The following TTC39B variants were observed in gnomAD, a reference collection of about 807,000 sequenced individuals.
TTC39B encodes the protein tetratricopeptide repeat protein 39B.
In TTC39B, 92 loss-of-function variants were observed where a neutral mutation model predicts 96.6. That is an observed-to-expected ratio of 0.95 (90% confidence interval 0.80 to 1.13). TTC39B has a LOEUF of 1.13. TTC39B is among the 50% of genes most tolerant of loss of function. The pLI is 0.00. For missense variants in TTC39B, 955 were observed against 809.3 expected (o/e 1.18, Z -2.18); for synonymous variants, 367 against 299.4 (o/e 1.23, Z -2.33).
At chr9:15,232,886 T>C (rs10961925) in intron 2 of TTC39B, among the ~76,000 whole-genome samples, 29,040 of 152,152 alleles carry the variant, frequency 0.19, 3,607 homozygotes, top group East Asian at 0.65. Context: ...CTCAACTGGC[T>C]GCTGCAGGGC....
chr9:15,264,064 G>T (rs528976974), intron 2 of TTC39B, among the ~76,000 whole-genome samples: 2 of 152,304 alleles, frequency 1.3e-5, no homozygotes, highest in East Asian at 1.9e-4. Context: ...TGGAGGCAAT[G>T]AAGGGAGAAT....
intron 2 of TTC39B, among the ~76,000 whole-genome samples, chr9:15,247,356 C>G (rs916742719): frequency 2.0e-5 from 3 of 152,164 alleles, no homozygotes; most frequent in African/African-American, 7.2e-5. Flanking sequence ...TTCTAACAGT[C>G]ATTCAGAAAG....
At chr9:15,188,165 G>A in intron 13 of TTC39B, 33 bp from the exon 14 acceptor site, 15 of 1,541,392 alleles carry the variant, frequency 9.7e-6, no homozygotes, top group Non-Finnish European at 1.3e-5. Context: ...TGATCGTCCA[G>A]ATATTAGACA....
chr9:15,237,273 C>A (rs1423527753), intron 2 of TTC39B, among the ~76,000 whole-genome samples: 3 of 152,144 alleles, frequency 2.0e-5, no homozygotes, highest in Non-Finnish European at 4.4e-5. Flanking sequence ...CAAGATCATG[C>A]CACTGTATTC....
intron 7 of TTC39B, among the ~76,000 whole-genome samples, chr9:15,201,765 G>A (rs192536369): frequency 9.7e-4 from 147 of 152,244 alleles, no homozygotes; most frequent in African/African-American, 3.3e-3. Flanking sequence ...TGCGGGGGGC[G>A]GGTAGGGAAC....
At chr9:15,233,965 C>G (rs1034718510) in intron 2 of TTC39B, among the ~76,000 whole-genome samples, 4 of 150,278 alleles carry the variant, frequency 2.7e-5, no homozygotes, top group South Asian at 2.1e-4. Flanking sequence ...GTCTCTGCCC[C>G]GCCGCCCATC....
intron 3 of TTC39B, among the ~76,000 whole-genome samples, chr9:15,221,099 A>T (rs978922905): frequency 6.6e-6 from 1 of 152,206 alleles, no homozygotes; most frequent in Non-Finnish European, 1.5e-5. Context: ...CTTGGGAGTC[A>T]CTAAGCATCT....
chr9:15,267,928 C>T (rs1823196327), exon 2 of TTC39B: 1 of 1,609,954 alleles, frequency 6.2e-7, no homozygotes, highest in Non-Finnish European at 8.5e-7. Flanking sequence ...AGATGGTTTC[C>T]AAGGCATCTT....
intron 2 of TTC39B, among the ~76,000 whole-genome samples, chr9:15,261,113 T>C (rs1303244628): frequency 2.0e-5 from 3 of 152,198 alleles, no homozygotes; most frequent in Non-Finnish European, 4.4e-5. Flanking sequence ...AATTAATCAG[T>C]GCCCAACCAG....
At chr9:15,281,763 G>A (rs1318782533) in intron 1 of TTC39B, among the ~76,000 whole-genome samples, 5 of 149,166 alleles carry the variant, frequency 3.4e-5, no homozygotes, top group South Asian at 2.1e-4. Flanking sequence ...TGCAATCTCC[G>A]CCCCCAGGTT....
chr9:15,255,921 C>T (rs947527360), intron 2 of TTC39B, among the ~76,000 whole-genome samples: 5 of 152,118 alleles, frequency 3.3e-5, no homozygotes, highest in Non-Finnish European at 5.9e-5. Flanking sequence ...TCATTAGGAA[C>T]TCAATGGTGG....
At chr9:15,190,726 T>G in intron 10 of TTC39B, 64 bp from the exon 11 acceptor site, 1 of 1,303,586 alleles carries the variant, frequency 7.7e-7, no homozygotes, top group African/African-American at 1.5e-5. Flanking sequence ...CAGAAACTTT[T>G]TAAACATTTT....
At chr9:15,210,065 G>C (rs765112156) in intron 6 of TTC39B, 23 bp downstream of exon 6, 1 of 1,534,974 alleles carries the variant, frequency 6.5e-7, no homozygotes, top group Non-Finnish European at 8.9e-7. Flanking sequence ...AAGGAAAAAA[G>C]TGATCTTTTA....
exon 20 of TTC39B, chr9:15,169,412 C>G (rs1469541503): frequency 1.3e-5 from 2 of 151,802 alleles, no homozygotes; most frequent in Non-Finnish European, 2.9e-5. Flanking sequence ...TAAATTTATA[C>G]AGCACCAATC....
intron 8 of TTC39B, among the ~76,000 whole-genome samples, chr9:15,197,206 A>G (rs1160389190): frequency 6.6e-6 from 1 of 152,192 alleles, no homozygotes; most frequent in African/African-American, 2.4e-5. Flanking sequence ...AACCCAAAAT[A>G]TCTCTGAGGT....
chr9:15,192,832 GT>G, intron 8 of TTC39B, 137 bp from the exon 9 acceptor site: 1 of 615,434 alleles, frequency 1.6e-6, no homozygotes. Context: ...GGATGATGCT[GT>G]GCTGAGTTTA....
chr9:15,300,891 CAAAAAAAAAAAAAAAAAAA>C (rs71491658), intron 1 of TTC39B, among the ~76,000 whole-genome samples: 1 of 81,166 alleles, frequency 1.2e-5, no homozygotes, highest in Non-Finnish European at 2.4e-5. Flanking sequence ...AACTCCGTCT[CAAAAAAAAAAAAAAAAAAA>C]AAAAAAAACC....
chr9:15,254,929 A>G (rs1822699317), intron 2 of TTC39B, among the ~76,000 whole-genome samples: 1 of 151,596 alleles, frequency 6.6e-6, no homozygotes, highest in Non-Finnish European at 1.5e-5. Flanking sequence ...AACTTTCCTA[A>G]CTACTAAAAT....
chr9:15,192,596 A>G, exon 9 of TTC39B: 2 of 1,612,994 alleles, frequency 1.2e-6, no homozygotes, highest in Non-Finnish European at 1.7e-6. Flanking sequence ...TTACCAAATT[A>G]AAGGCCCCAC....
Sources: gnomAD v4.1 joint callset for allele counts (sites outside exome capture counted in the v4.1 genomes callset) on GRCh38, gnomAD v4.1.1 for gene constraint, MANE v1.5 for transcripts, NCBI Gene and HGNC (gene_info 2026-07-23, HGNC 2026-07-21) for gene names.